Variants in KCNH5 observed in about 807,000 individuals in gnomAD.
KCNH5 encodes the protein voltage-gated delayed rectifier potassium channel KCNH5.
Under a neutral mutation model 96.1 loss-of-function variants are expected in KCNH5, and 46 were observed. The ratio of observed to expected loss-of-function variants is 0.48; its 90% CI spans 0.38 to 0.61. The LOEUF (loss-of-function observed/expected upper bound fraction) is 0.61. KCNH5 is among the 20% of genes least tolerant of loss of function. The pLI is 0.00. For missense variants in KCNH5, 907 were observed against 1,225.8 expected, an observed-to-expected ratio of 0.74 and a Z score of 3.88; for synonymous variants, 439 against 449.8, an observed-to-expected ratio of 0.98 and a Z score of 0.30.
At chr14:62,860,672 C>T (rs895439043) in intron 7 of KCNH5, among the ~76,000 whole-genome samples, 1 of 152,174 alleles carries the variant, frequency 6.6e-6, no homozygotes, top group Non-Finnish European at 1.5e-5. Context: ...CTTTTCCCAA[C>T]TTCTTACTTG....
intron 6 of KCNH5, among the ~76,000 whole-genome samples, chr14:62,978,667 A>G (rs1246539251): frequency 1.3e-5 from 2 of 151,748 alleles, no homozygotes; most frequent in African/African-American, 4.8e-5. Flanking sequence ...AGTTGAGAGA[A>G]TCTTTTAATA....
intron 10 of KCNH5, chr14:62,712,648 G>C: frequency 1.3e-6 from 1 of 774,574 alleles, no homozygotes; most frequent in Non-Finnish European, 2.4e-6. Context: ...GGGTGAAGTA[G>C]GAAGTCGTGC....
rs1890591430 is a variant in KCNH5 at position 62,980,846 on chromosome 14, T to C, written c.942+26A>G. 3 of 1,609,022 alleles carry C rather than the reference T, an allele frequency of 1.9e-6. No individual in the cohort carries two copies. The East Asian group carries it at 6.7e-5, about 36-fold the overall frequency. ...TTTCAAAATATATGACCCACAGTAC[T>C]CAGAAAACCAAAACGAAAAACTTAC... On this transcript the variant is annotated intron_variant, in intron 6 of 10. Coordinates refer to ENST00000322893, the MANE Select transcript of KCNH5 (RefSeq NM_139318.5).
chr14:63,011,315 C>A (rs1404817750), intron 2 of KCNH5, among the ~76,000 whole-genome samples: 2 of 151,940 alleles, frequency 1.3e-5, no homozygotes, highest in East Asian at 1.9e-4. Context: ...CCCATCTACA[C>A]TAAAAATACA....
At chr14:62,882,100 TAAAAAAAAAAAA>T (rs143123435) in intron 7 of KCNH5, among the ~76,000 whole-genome samples, 7 of 76,658 alleles carry the variant, frequency 9.1e-5, no homozygotes, top group African/African-American at 3.0e-4. Context: ...CCCCATTTCT[TAAAAAAAAAAAA>T]AAAAAAAAAA....
chr14:63,031,231 T>C (rs1891620236), intron 1 of KCNH5, among the ~76,000 whole-genome samples: 1 of 152,102 alleles, frequency 6.6e-6, no homozygotes, highest in Non-Finnish European at 1.5e-5. Context: ...GTTTTTGTTT[T>C]ATTTTGTTTT....
rs112560083 is a variant in KCNH5, at chr14:62,879,017, T to G, written c.1370-29165A>C. ...GTACTGGGAACTTCGATGTAGGAAT[T>G]TGAGGTACTGGGAACTTCAATTTTA... is the stretch of plus-strand genomic sequence containing the variant. On this transcript the variant is annotated intron_variant, in intron 7 of 10. Coordinates refer to ENST00000322893, the MANE Select transcript of KCNH5 (RefSeq NM_139318.5). Among the ~76,000 whole-genome samples the G allele has an allele frequency of 2.4e-4, 37 of 152,258 alleles. 2 individuals carry two copies. Among genetic ancestry groups the G allele is most frequent in the African/African-American group, 7.7e-4 (32 of 41,550 alleles).
At chr14:62,896,735 C>T (rs1199044976) in intron 7 of KCNH5, among the ~76,000 whole-genome samples, 1 of 152,106 alleles carries the variant, frequency 6.6e-6, no homozygotes. Flanking sequence ...CGTGAGGTCA[C>T]AGGTAGCCCT....
intron 6 of KCNH5, among the ~76,000 whole-genome samples, chr14:62,971,619 A>G (rs1265507901): frequency 6.6e-6 from 1 of 151,374 alleles, no homozygotes; most frequent in African/African-American, 2.4e-5. Flanking sequence ...CTATAAAAGT[A>G]TAGCAATAAA....
intron 7 of KCNH5, among the ~76,000 whole-genome samples, chr14:62,943,053 AG>A (rs1889818652): frequency 6.6e-6 from 1 of 152,212 alleles, no homozygotes; most frequent in Non-Finnish European, 1.5e-5. Flanking sequence ...TGTACTTAAC[AG>A]TGTACTAAAA....
intron 1 of KCNH5, among the ~76,000 whole-genome samples, chr14:63,034,856 AAAAT>A (rs1255225134): frequency 6.6e-6 from 1 of 152,238 alleles, no homozygotes; most frequent in East Asian, 1.9e-4. Context: ...ATTTCTCCAC[AAAAT>A]GTTTAACAAT....
intron 10 of KCNH5, among the ~76,000 whole-genome samples, chr14:62,737,082 G>A (rs560499016): frequency 1.3e-5 from 2 of 152,064 alleles, no homozygotes; most frequent in African/African-American, 4.8e-5. Flanking sequence ...TTTTAATGAG[G>A]TCTAATTATC....
intron 8 of KCNH5, among the ~76,000 whole-genome samples, chr14:62,815,462 A>G (rs1595635229): frequency 6.6e-6 from 1 of 152,144 alleles, no homozygotes; most frequent in Admixed American, 6.6e-5. Context: ...TTTACTTTTA[A>G]AAGTTTAGTT....
At chr14:63,023,096 G>A (rs1002617061) in intron 1 of KCNH5, among the ~76,000 whole-genome samples, 15 of 151,882 alleles carry the variant, frequency 9.9e-5, no homozygotes, top group African/African-American at 1.7e-4. Context: ...CCAGCTACCC[G>A]GGAGACTGAG....
At chr14:62,709,095 C>T (rs1042852458) in intron 10 of KCNH5, among the ~76,000 whole-genome samples, 22 of 151,196 alleles carry the variant, frequency 1.5e-4, no homozygotes, top group African/African-American at 4.4e-4. Context: ...TAGCCGGGCG[C>T]AGTGGCGGGC....
chr14:62,888,972 T>TG, intron 7 of KCNH5, among the ~76,000 whole-genome samples: 1 of 152,320 alleles, frequency 6.6e-6, no homozygotes, highest in East Asian at 1.9e-4. Flanking sequence ...AAAAGTCACT[T>TG]GGAGTCAAAT....
In KCNH5 at chr14:62,904,833, G is replaced by A. The variant is rs527971496; in HGVS notation, c.1369+45300C>T. On this transcript the variant is annotated intron_variant, in intron 7 of 10. Transcript: ENST00000322893. ...ATGCATATCCTGCATCTGAAATTAT[G>A]TCTGACTTCTCTAAACCCTACCACC... 2.0e-5 allele frequency among the ~76,000 whole-genome samples: 3 copies of A among 152,196 alleles called. No individual in the cohort carries two copies. The South Asian group carries it at 6.2e-4, about 32-fold the overall frequency.
At chr14:62,983,923 A>T (rs1389209900) in intron 5 of KCNH5, among the ~76,000 whole-genome samples, 3 of 152,194 alleles carry the variant, frequency 2.0e-5, no homozygotes, top group African/African-American at 7.2e-5. Context: ...CTCCAAAAAA[A>T]TGCAAGATGG....
chr14:62,896,221 G>T (rs924909173), intron 7 of KCNH5, among the ~76,000 whole-genome samples: 1 of 152,156 alleles, frequency 6.6e-6, no homozygotes, highest in African/African-American at 2.4e-5. Flanking sequence ...TATTTGAAAT[G>T]TCAATAGGCC....
Sources: gnomAD v4.1 joint callset for allele counts (sites outside exome capture counted in the v4.1 genomes callset) on GRCh38, gnomAD v4.1.1 for gene constraint, MANE v1.5 for transcripts, NCBI Gene and HGNC (gene_info 2026-07-23, HGNC 2026-07-21) for gene names.